Variants in L3MBTL4 observed in about 807,000 individuals in gnomAD.
L3MBTL4 encodes the protein L3MBTL histone methyl-lysine binding protein 4.
In L3MBTL4, 70 loss-of-function variants were observed where a neutral mutation model predicts 84.5. The ratio of observed to expected loss-of-function variants is 0.83; its 90% CI spans 0.68 to 1.01. L3MBTL4 has a LOEUF of 1.01. L3MBTL4 is among the 50% of genes least tolerant of loss of function. The pLI, the probability that L3MBTL4 is intolerant of heterozygous loss-of-function variation, is 0.00. For synonymous variants in L3MBTL4, 274 were observed against 259.8 expected (o/e 1.05, Z -0.52); for missense variants, 715 against 754.8 (o/e 0.95, Z 0.62).
chr18:6,314,581 T>C (rs965761300), intron 1 of L3MBTL4, among the ~76,000 whole-genome samples: 1 of 152,174 alleles, frequency 6.6e-6, no homozygotes, highest in African/African-American at 2.4e-5. Flanking sequence ...TGATTTGTAT[T>C]TCTGTATAAA....
rs1480026845 is a variant in L3MBTL4, at chr18:6,076,923, G to A, written c.1444+3958C>T. On this transcript the variant is annotated intron_variant, in intron 16 of 18. Coordinates refer to ENST00000317931, the MANE Select transcript of L3MBTL4 (RefSeq NM_001330559.2). ...GTGGCCGTGAGAGTGACATCTCTTT[G>A]AGGGACCAAGGAGCGTCTAACGGCG... Among the ~76,000 whole-genome samples, 3 of 152,132 alleles carry A rather than the reference G, an allele frequency of 2.0e-5. No individual in the cohort carries two copies. The South Asian group carries it at 6.2e-4, about 32-fold the overall frequency.
At chr18:6,356,648 A>G (rs1266391387) in intron 1 of L3MBTL4, 1 of 152,204 alleles carries the variant, frequency 6.6e-6, no homozygotes, top group Non-Finnish European at 1.5e-5. Flanking sequence ...ACAATAAAAA[A>G]TACGGTATAA....
At chr18:6,147,313 C>T (rs913756735) in intron 13 of L3MBTL4, among the ~76,000 whole-genome samples, 3 of 151,892 alleles carry the variant, frequency 2.0e-5, no homozygotes, top group African/African-American at 7.3e-5. Flanking sequence ...ACCTATTCTC[C>T]TCCTCCTAAT....
chr18:6,094,501 G>T (rs543114351), intron 14 of L3MBTL4, among the ~76,000 whole-genome samples: 1 of 152,134 alleles, frequency 6.6e-6, no homozygotes, highest in East Asian at 1.9e-4. Flanking sequence ...AGCTGTTATT[G>T]CCATCATAGT....
chr18:6,163,308 G>T (rs9955347), intron 13 of L3MBTL4, among the ~76,000 whole-genome samples: 34,976 of 77,298 alleles, frequency 0.45, 7,711 homozygotes, highest in Middle Eastern at 0.53. Flanking sequence ...TGTGTGTGTG[G>T]GTGGGTGTGT....
At chr18:6,085,837 T>A (rs1419214799) in intron 15 of L3MBTL4, among the ~76,000 whole-genome samples, 1 of 152,088 alleles carries the variant, frequency 6.6e-6, no homozygotes, top group Non-Finnish European at 1.5e-5. Context: ...TACATGAACA[T>A]CAAAAAGGTA....
chr18:6,220,121 TTCAGGG>T, intron 10 of L3MBTL4, among the ~76,000 whole-genome samples: 1 of 152,224 alleles, frequency 6.6e-6, no homozygotes, highest in South Asian at 2.1e-4. Context: ...GTGGAACGCA[TTCAGGG>T]TCAAGAAAAA....
intron 12 of L3MBTL4, among the ~76,000 whole-genome samples, chr18:6,196,407 C>T (rs1284518840): frequency 4.6e-5 from 7 of 152,100 alleles, no homozygotes; most frequent in East Asian, 1.9e-4. Flanking sequence ...TCTGCCCACC[C>T]TGGCCTCCCA....
At chr18:6,205,459 T>C (rs2045832514) in intron 12 of L3MBTL4, among the ~76,000 whole-genome samples, 1 of 152,232 alleles carries the variant, frequency 6.6e-6, no homozygotes, top group Admixed American at 6.5e-5. Context: ...GTATATAACA[T>C]GAATGTTTGT....
intron 12 of L3MBTL4, among the ~76,000 whole-genome samples, chr18:6,172,298 C>G (rs1272219005): frequency 6.6e-6 from 1 of 152,138 alleles, no homozygotes; most frequent in Non-Finnish European, 1.5e-5. Context: ...ACTTCAAGAA[C>G]CATGTCAGCA....
At chr18:6,275,617 G>A (rs1279998221) in intron 4 of L3MBTL4, among the ~76,000 whole-genome samples, 5 of 152,168 alleles carry the variant, frequency 3.3e-5, no homozygotes, top group African/African-American at 1.2e-4. Context: ...GAGGCTCACA[G>A]GTGTGCATGT....
intron 14 of L3MBTL4, among the ~76,000 whole-genome samples, chr18:6,124,442 A>ACAAT (rs2059623979): frequency 1.4e-5 from 2 of 148,042 alleles, no homozygotes; most frequent in African/African-American, 4.9e-5. Context: ...TATTATATAT[A>ACAAT]TGTATATATA....
At chr18:5,957,626 C>T (rs963019296) in intron 18 of L3MBTL4, among the ~76,000 whole-genome samples, 3 of 151,994 alleles carry the variant, frequency 2.0e-5, no homozygotes, top group African/African-American at 7.3e-5. Flanking sequence ...CTTCCACGAA[C>T]TTAGAACTGT....
At chr18:6,032,041 A>G (rs867200507) in intron 16 of L3MBTL4, 22 of 196,502 alleles carry the variant, frequency 1.1e-4, no homozygotes, top group Non-Finnish European at 1.8e-4. Context: ...GCAGTGGTGC[A>G]ATCTCAGGTC....
At chr18:6,399,647 T>C (rs879464149) in intron 1 of L3MBTL4, 4 of 152,250 alleles carry the variant, frequency 2.6e-5, no homozygotes, top group Admixed American at 6.5e-5. Context: ...GTGTCGGCTA[T>C]ACTTACATCT....
intron 13 of L3MBTL4, among the ~76,000 whole-genome samples, chr18:6,146,466 CG>C (rs1207235785): frequency 6.6e-6 from 1 of 152,104 alleles, no homozygotes; most frequent in East Asian, 1.9e-4. Context: ...GAGGAAGCTG[CG>C]GAGAAGGCGC....
chr18:6,166,111 T>G (rs552846101), intron 13 of L3MBTL4, among the ~76,000 whole-genome samples: 2 of 152,314 alleles, frequency 1.3e-5, no homozygotes, highest in Admixed American at 1.3e-4. Flanking sequence ...AAGGGATCAA[T>G]TCAACAAGAA....
intron 16 of L3MBTL4, among the ~76,000 whole-genome samples, chr18:5,980,447 T>TTTTTG (rs1279027154): frequency 6.7e-6 from 1 of 150,294 alleles, no homozygotes; most frequent in Non-Finnish European, 1.5e-5. Context: ...TTTTTTTTTT[T>TTTTTG]TGAGATGGAG....
At chr18:6,310,072 C>T (rs112652321) in intron 3 of L3MBTL4, among the ~76,000 whole-genome samples, 12 of 152,100 alleles carry the variant, frequency 7.9e-5, no homozygotes, top group African/African-American at 2.7e-4. Context: ...TCTAACAAAC[C>T]TCCAGGTGAT....
Sources: gnomAD v4.1 joint callset for allele counts (sites outside exome capture counted in the v4.1 genomes callset) on GRCh38, gnomAD v4.1.1 for gene constraint, MANE v1.5 for transcripts, NCBI Gene and HGNC (gene_info 2026-07-23, HGNC 2026-07-21) for gene names.